The following FBXO34 variants were observed in gnomAD, a reference collection of about 807,000 sequenced individuals.
FBXO34 encodes the protein F-box protein 34.
FBXO34 carries 12 observed loss-of-function variants against 24.5 expected under a neutral mutation model. That is an observed-to-expected ratio of 0.49 (90% CI 0.31 to 0.79). The LOEUF (loss-of-function observed/expected upper bound fraction) is 0.79. Among genes scored for constraint, FBXO34 ranks in the 30% least tolerant of loss-of-function variants. The pLI, the probability that FBXO34 is intolerant of heterozygous loss-of-function variation, is 0.04. For synonymous variants in FBXO34, 320 were observed against 311.9 expected (o/e 1.03, Z -0.27); for missense variants, 823 against 857.7 (o/e 0.96, Z 0.51).
the FBXO34 span, among the ~76,000 whole-genome samples, chr14:55,432,893 G>A: frequency 6.6e-6 from 1 of 152,186 alleles, no homozygotes; most frequent in Non-Finnish European, 1.5e-5. Flanking sequence ...TTTAAGGGAT[G>A]CCTCCTGAGC....
chr14:55,385,732 A>C, the FBXO34 span: 2 of 867,736 alleles, frequency 2.3e-6, no homozygotes, highest in Non-Finnish European at 3.5e-6. Flanking sequence ...AACAGATAAG[A>C]CTTATGTTCC....
At chr14:55,360,307 A>G (rs1884576697) in intron 3 of FBXO34, among the ~76,000 whole-genome samples, 1 of 152,106 alleles carries the variant, frequency 6.6e-6, no homozygotes, top group Non-Finnish European at 1.5e-5. Context: ...TCCTGATCTC[A>G]GGTGATCTGC....
At chr14:55,311,035 A>G (rs1006818789) in intron 1 of FBXO34, among the ~76,000 whole-genome samples, 5 of 152,220 alleles carry the variant, frequency 3.3e-5, no homozygotes, top group Non-Finnish European at 7.3e-5. Flanking sequence ...TGCATGTTGC[A>G]ATTTACATAT....
chr14:55,379,676 G>T, the FBXO34 span, among the ~76,000 whole-genome samples: 1 of 152,174 alleles, frequency 6.6e-6, no homozygotes, highest in East Asian at 1.9e-4. Context: ...AGGGTAGTAG[G>T]AAGATTGTAG....
chr14:55,361,370 T>G (rs1397331994), intron 3 of FBXO34, among the ~76,000 whole-genome samples: 1 of 152,240 alleles, frequency 6.6e-6, no homozygotes, highest in Non-Finnish European at 1.5e-5. Flanking sequence ...CTGTAAACCA[T>G]GCTGTAAACA....
At chr14:55,298,758 A>G (rs766909966) in intron 1 of FBXO34, 186 of 1,575,300 alleles carry the variant, frequency 1.2e-4, no homozygotes, top group Non-Finnish European at 1.5e-4. Context: ...GTTCCTGGAG[A>G]AGAAAATCGA....
the FBXO34 span, among the ~76,000 whole-genome samples, chr14:55,398,540 A>G: frequency 0.029 from 4,376 of 152,256 alleles, 90 homozygotes; most frequent in Non-Finnish European, 0.039. Context: ...ATTTAGAAGC[A>G]TATTGTTTAA....
intron 1 of FBXO34, among the ~76,000 whole-genome samples, chr14:55,345,055 G>A (rs1024127300): frequency 3.3e-5 from 5 of 152,126 alleles, no homozygotes; most frequent in African/African-American, 1.2e-4. Context: ...CCAATACTTT[G>A]GGAGGCCAAG....
At chr14:55,422,016 G>C in the FBXO34 span, among the ~76,000 whole-genome samples, 1 of 152,030 alleles carries the variant, frequency 6.6e-6, no homozygotes, top group African/African-American at 2.4e-5. Flanking sequence ...AGTAATGAGG[G>C]GAAATTGGCC....
intron 1 of FBXO34, among the ~76,000 whole-genome samples, chr14:55,314,448 G>A (rs1202124040): frequency 6.6e-6 from 1 of 152,180 alleles, no homozygotes; most frequent in Non-Finnish European, 1.5e-5. Flanking sequence ...CAGAAGGGAA[G>A]CTGCTATCTT....
At chr14:55,406,503 G>C in the FBXO34 span, among the ~76,000 whole-genome samples, 3 of 152,172 alleles carry the variant, frequency 2.0e-5, no homozygotes, top group South Asian at 6.2e-4. Flanking sequence ...TCAACCTGTG[G>C]CCCTCAGAGT....
At chr14:55,395,139 T>G in the FBXO34 span, 43 of 475,604 alleles carry the variant, frequency 9.0e-5, no homozygotes, top group South Asian at 6.6e-4. Context: ...CGTTTCCACT[T>G]TTGCAGGAGC....
intron 1 of FBXO34, chr14:55,282,338 A>G (rs1030945932): frequency 1.3e-5 from 6 of 460,708 alleles, no homozygotes; most frequent in African/African-American, 9.9e-5. Context: ...ACACTTTCAC[A>G]ATGATTTTCT....
At chr14:55,406,725 A>G in the FBXO34 span, among the ~76,000 whole-genome samples, 29 of 152,298 alleles carry the variant, frequency 1.9e-4, no homozygotes, top group African/African-American at 6.3e-4. Context: ...CTAACAAACT[A>G]TTCTTCTTAA....
At chr14:55,368,077 T>A (rs1256992425) in exon 3 of FBXO34, 2 of 151,466 alleles carry the variant, frequency 1.3e-5, no homozygotes, top group African/African-American at 4.9e-5. Flanking sequence ...TTTTGGTAGT[T>A]GTTACATAGG....
chr14:55,283,032 C>A (rs1366426796), intron 1 of FBXO34, among the ~76,000 whole-genome samples: 1 of 152,190 alleles, frequency 6.6e-6, no homozygotes, highest in Admixed American at 6.5e-5. Context: ...TTTTTACAAA[C>A]CCTAGTCACT....
chr14:55,436,868 A>G, the FBXO34 span: 1 of 1,614,228 alleles, frequency 6.2e-7, no homozygotes, highest in Non-Finnish European at 8.5e-7. Flanking sequence ...TCTGGTAGGA[A>G]GCTAAGATCC....
At chr14:55,433,309 C>CTTTT in the FBXO34 span, among the ~76,000 whole-genome samples, 106 of 119,884 alleles carry the variant, frequency 8.8e-4, no homozygotes, top group African/African-American at 2.7e-3. Flanking sequence ...TTAGATTTCT[C>CTTTT]TTTTTTTTTT....
At chr14:55,293,122 A>G (rs916079510) in intron 1 of FBXO34, among the ~76,000 whole-genome samples, 7 of 149,966 alleles carry the variant, frequency 4.7e-5, no homozygotes, top group African/African-American at 1.7e-4. Context: ...ACCTCAGGTG[A>G]TCTACTCGCC....
Sources: gnomAD v4.1 joint callset for allele counts (sites outside exome capture counted in the v4.1 genomes callset) on GRCh38, gnomAD v4.1.1 for gene constraint, MANE v1.5 for transcripts, NCBI Gene and HGNC (gene_info 2026-07-23, HGNC 2026-07-21) for gene names.